Variants in MAP4K3 observed in about 807,000 individuals in gnomAD.
MAP4K3 encodes mitogen-activated protein kinase kinase kinase kinase 3.
MAP4K3 carries 94 observed loss-of-function variants against 143.5 expected under a neutral mutation model. The observed-to-expected ratio is 0.65, with a 90% CI of 0.55 to 0.78. MAP4K3 has a LOEUF of 0.78. Among genes scored for constraint, MAP4K3 ranks in the 30% least tolerant of loss-of-function variants. The pLI, the probability that MAP4K3 is intolerant of heterozygous loss-of-function variation, is 0.00. For missense variants in MAP4K3, 1,077 were observed against 1,068.1 expected (o/e 1.01, Z -0.12); for synonymous variants, 416 against 347.2 (o/e 1.20, Z -2.20).
intron 1 of MAP4K3, among the ~76,000 whole-genome samples, chr2:39,404,281 T>C (rs1198134297): frequency 6.6e-6 from 1 of 151,696 alleles, no homozygotes; most frequent in African/African-American, 2.4e-5. Flanking sequence ...ACTCTTGGAG[T>C]CCCTGATTCT....
intron 16 of MAP4K3, among the ~76,000 whole-genome samples, chr2:39,297,063 A>G (rs1292331546): frequency 2.0e-5 from 3 of 152,142 alleles, no homozygotes; most frequent in Admixed American, 2.0e-4. Flanking sequence ...AAGAGAATTT[A>G]CCTTCAACAT....
At chr2:39,294,629 G>C (rs576070576) in intron 16 of MAP4K3, among the ~76,000 whole-genome samples, 88 of 152,292 alleles carry the variant, frequency 5.8e-4, no homozygotes, top group East Asian at 2.7e-3. Context: ...ATTTCTCTAT[G>C]CTTTGATTTC....
chr2:39,318,181 T>C (rs540639454), intron 12 of MAP4K3, among the ~76,000 whole-genome samples: 4 of 152,020 alleles, frequency 2.6e-5, no homozygotes, highest in Non-Finnish European at 5.9e-5. Flanking sequence ...CACTGATAAG[T>C]GGGAGCTAAA....
intron 3 of MAP4K3, among the ~76,000 whole-genome samples, chr2:39,344,252 T>G (rs1006677946): frequency 1.3e-5 from 2 of 152,146 alleles, no homozygotes; most frequent in African/African-American, 4.8e-5. Context: ...AATAAACATA[T>G]CGAATTAGAT....
rs567858888 is a variant in MAP4K3 at position 39,407,303 on chromosome 2, G to A, written c.97-29180C>T. ...CTAAATAGTATCTTCCTAAGAGCAG[G>A]AACAAGGGAAGAATGTCTGCTCTCA... On this transcript the variant is annotated intron_variant, in intron 1 of 33. Transcript: ENST00000263881. Among the ~76,000 whole-genome samples, 135 of 150,982 alleles carry A rather than the reference G, an allele frequency of 8.9e-4. 1 individual carries two copies. The highest frequency in any genetic ancestry group is 3.0e-3 in the African/African-American group (123 of 41,110).
chr2:39,320,041 T>A (rs915733075), intron 12 of MAP4K3, among the ~76,000 whole-genome samples: 1 of 152,176 alleles, frequency 6.6e-6, no homozygotes, highest in Non-Finnish European at 1.5e-5. Flanking sequence ...CAATGTCACT[T>A]CCTTTGTGAC....
Position 39,280,304 on chromosome 2 carries a change from C to G in MAP4K3, c.1682G>C (p.Cys561Ser). 6.3e-7 allele frequency: 1 copy of G among 1,599,090 alleles called. No individual in the cohort carries two copies. The highest frequency in any genetic ancestry group is 8.5e-7 in the Non-Finnish European group (1 of 1,171,034). ...VFNGCPLKIH[C>S]ASSWINPDTR... ...ATCTGGGTTTATCCATGATGATGCA[C>G]AGTGAATTTTCAAGGGACACCCATT... The change falls in exon 23 of 34, where the codon TGT (cysteine) becomes TCT (serine). Residue 561 changes from cysteine (C) to serine (S), a missense_variant. Coordinates refer to ENST00000263881, the MANE Select transcript of MAP4K3 (RefSeq NM_003618.4).
intron 1 of MAP4K3, among the ~76,000 whole-genome samples, chr2:39,382,119 TG>T (rs1280319154): frequency 6.6e-6 from 1 of 152,224 alleles, no homozygotes; most frequent in Non-Finnish European, 1.5e-5. Flanking sequence ...CATTCAGATT[TG>T]AACTAGTTTT....
At chr2:39,320,346 C>T (rs911887095) in intron 12 of MAP4K3, among the ~76,000 whole-genome samples, 24 of 152,110 alleles carry the variant, frequency 1.6e-4, no homozygotes, top group Non-Finnish European at 5.9e-5. Flanking sequence ...GGCATTAACC[C>T]ATTTATACCT....
At chr2:39,390,087 T>C (rs1471603356) in intron 1 of MAP4K3, among the ~76,000 whole-genome samples, 1 of 152,172 alleles carries the variant, frequency 6.6e-6, no homozygotes, top group African/African-American at 2.4e-5. Context: ...GAAAGTAGTA[T>C]ATAACAGTGA....
chr2:39,320,685 T>C (rs961428490), intron 12 of MAP4K3, among the ~76,000 whole-genome samples: 2 of 152,218 alleles, frequency 1.3e-5, no homozygotes, highest in Admixed American at 1.3e-4. Context: ...CTATAACCTT[T>C]GGAAGTAAAA....
chr2:39,376,752 G>A (rs1252795203), intron 2 of MAP4K3, among the ~76,000 whole-genome samples: 1 of 152,186 alleles, frequency 6.6e-6, no homozygotes, highest in Non-Finnish European at 1.5e-5. Context: ...TTGAGGGAAT[G>A]ATGTATACAC....
intron 13 of MAP4K3, 29 bp from the exon 14 acceptor site, chr2:39,309,548 A>ACTTTTT: frequency 5.9e-6 from 2 of 338,210 alleles, no homozygotes; most frequent in South Asian, 2.6e-5. Context: ...TAAAACCAGG[A>ACTTTTT]TTTTTTTTTT....
At chr2:39,416,292 TAAGATGTTTCTGGCATGTTAATA>T (rs1667377775) in intron 1 of MAP4K3, among the ~76,000 whole-genome samples, 1 of 151,944 alleles carries the variant, frequency 6.6e-6, no homozygotes, top group Non-Finnish European at 1.5e-5. Flanking sequence ...ACCAAATAGA[TAAGATGTTTCTGGCATGTTAATA>T]AAGAAATTCC....
intron 3 of MAP4K3, among the ~76,000 whole-genome samples, chr2:39,354,562 G>A (rs2148550370): frequency 6.6e-6 from 1 of 152,096 alleles, no homozygotes; most frequent in South Asian, 2.1e-4. Context: ...AGGTTGCAGT[G>A]AGCCGATATC....
At chr2:39,343,656 T>C (rs969170078) in intron 3 of MAP4K3, among the ~76,000 whole-genome samples, 1 of 152,162 alleles carries the variant, frequency 6.6e-6, no homozygotes, top group African/African-American at 2.4e-5. Context: ...TTTAAACTTA[T>C]AATACACCAT....
chr2:39,432,930 TCAA>T (rs1665339270), intron 1 of MAP4K3, among the ~76,000 whole-genome samples: 1 of 152,088 alleles, frequency 6.6e-6, no homozygotes, highest in Non-Finnish European at 1.5e-5. Context: ...AAAATCAATA[TCAA>T]CGTTTCCAAA....
intron 3 of MAP4K3, among the ~76,000 whole-genome samples, chr2:39,353,736 TAGCAGCAGC>T (rs150401154): frequency 2.7e-3 from 410 of 151,282 alleles, no homozygotes; most frequent in Non-Finnish European, 3.8e-3. Context: ...GTAGTAGTAG[TAGCAGCAGC>T]AGCAGCAGCA....
At chr2:39,336,899 T>C (rs556942683) in intron 6 of MAP4K3, 21 bp downstream of exon 6, 31 of 1,027,020 alleles carry the variant, frequency 3.0e-5, no homozygotes, top group Non-Finnish European at 3.9e-5. Flanking sequence ...AGGGTTATTA[T>C]GTTAAAAATA....
Sources: allele counts gnomAD v4.1 joint callset (sites outside exome capture counted in the v4.1 genomes callset), GRCh38; gene constraint gnomAD v4.1.1; transcripts MANE v1.5; gene names NCBI Gene and HGNC (gene_info 2026-07-23, HGNC 2026-07-21).